Variants in PSME4 observed in about 807,000 individuals in gnomAD.
PSME4 encodes the protein proteasome activator complex subunit 4.
Under a neutral mutation model 253.9 loss-of-function variants are expected in PSME4, and 89 were observed. The ratio of observed to expected loss-of-function variants is 0.35; its 90% confidence interval spans 0.30 to 0.42. PSME4 has a LOEUF of 0.42. Among genes scored for constraint, PSME4 ranks in the 10% least tolerant of loss-of-function variants. The pLI is 1.00. For missense variants in PSME4, 2,014 were observed against 2,195.2 expected, an observed-to-expected ratio of 0.92 and a Z score of 1.65; for synonymous variants, 851 against 759.2, an observed-to-expected ratio of 1.12 and a Z score of -1.99.
At chr2:53,959,395 A>C (rs1172208099) in intron 1 of PSME4, among the ~76,000 whole-genome samples, 1 of 152,074 alleles carries the variant, frequency 6.6e-6, no homozygotes, top group Non-Finnish European at 1.5e-5. Context: ...AAAGCTGCTT[A>C]ATCCCTGACA....
Position 53,919,188 on chromosome 2 carries a change from G to C in PSME4, c.2479C>G (p.Leu827Val). Residue 827 changes from leucine (L) to valine (V), a missense_variant, in exon 20 of 47, where the codon CTC (leucine) becomes GTC (valine). Coordinates refer to ENST00000404125, the MANE Select transcript of PSME4 (RefSeq NM_014614.3). Reference sequence around the variant, plus strand: ...GGCTCTCCTTTCAACGGAGGTAGGAGGTTTCCAGAGCCAATTAAACAGTTG... The same window carrying C: ...GGCTCTCCTTTCAACGGAGGTAGGACGTTTCCAGAGCCAATTAAACAGTTG... Reference protein sequence around the residue: ...VHNCLIGSGNLLPPLKGEPVT... With the variant: ...VHNCLIGSGNVLPPLKGEPVT... The C allele has an allele frequency of 3.7e-6, 6 of 1,612,330 alleles. No individual in the cohort carries two copies. The highest frequency in any genetic ancestry group is 5.1e-6 in the Non-Finnish European group (6 of 1,179,334).
intron 40 of PSME4, 31 bp from the exon 41 acceptor site, chr2:53,885,806 C>G: frequency 6.6e-7 from 1 of 1,518,124 alleles, no homozygotes; most frequent in Non-Finnish European, 9.1e-7. Flanking sequence ...CAGAGTAAGT[C>G]TTTGCCATTC....
At chr2:53,887,091 A>G (rs1287141568) in intron 40 of PSME4, among the ~76,000 whole-genome samples, 168 bp downstream of exon 40, 1 of 152,186 alleles carries the variant, frequency 6.6e-6, no homozygotes, top group African/African-American at 2.4e-5. Context: ...TGGTTGCGCA[A>G]GGATGTGAAT....
In PSME4 at chr2:53,875,647, C is replaced by G; in HGVS notation, c.4924G>C (p.Val1642Leu). The G allele has an allele frequency of 6.2e-7, 1 of 1,608,032 alleles. No individual in the cohort carries two copies. The highest frequency in any genetic ancestry group is 8.5e-7 in the Non-Finnish European group (1 of 1,177,706). The change falls in exon 42 of 47, where the codon GTA becomes CTA. Residue 1642 changes from valine (V) to leucine (L), a missense_variant. Physicochemically the swap from Val to Leu is conservative, Grantham distance 32. Transcript: ENST00000404125. ...CTTACTTGTTTTAGCACCTGAAGTA[C>G]CAAAGGCACTTGATGAGGGTAAAGC... ...GLLYPHQVPL[V>L]LQVLKQTARS... is the part of the protein sequence containing the mutation.
rs1344255972 is a variant in PSME4 at position 53,865,128 on chromosome 2, T to G, written c.*450A>C. On this transcript the variant is annotated 3_prime_UTR_variant, in exon 47 of 47. Transcript: ENST00000404125. ...CCCAAGGTTCTCAAGGCTTCAGATT[T>G]ATGGCCCACAGCCCCTATTACCACC... 1 of 152,672 alleles carries G rather than the reference T, an allele frequency of 6.5e-6. No homozygotes were observed. Among genetic ancestry groups the G allele is most frequent in the Non-Finnish European group, 1.5e-5 (1 of 68,052 alleles). 9.5% of individuals were successfully genotyped at this position (152,672 alleles called of 1,614,324 possible).
chr2:53,956,599 G>A (rs996135601), intron 1 of PSME4, among the ~76,000 whole-genome samples: 1 of 151,622 alleles, frequency 6.6e-6, no homozygotes, highest in Non-Finnish European at 1.5e-5. Flanking sequence ...TTGAGATGGA[G>A]TCTCTCTCTG....
At chr2:53,966,251 T>G (rs1465185306) in intron 1 of PSME4, among the ~76,000 whole-genome samples, 1 of 152,106 alleles carries the variant, frequency 6.6e-6, no homozygotes, top group Non-Finnish European at 1.5e-5. Flanking sequence ...GCCACTGCAC[T>G]CCAGCCTGGA....
intron 41 of PSME4, among the ~76,000 whole-genome samples, chr2:53,878,821 T>C (rs1194148540): frequency 6.6e-6 from 1 of 152,242 alleles, no homozygotes; most frequent in Non-Finnish European, 1.5e-5. Flanking sequence ...GAAACTTAAT[T>C]AGCAATTTTA....
At chr2:53,887,728 A>G in intron 39 of PSME4, 130 bp downstream of exon 39, 1 of 1,210,996 alleles carries the variant, frequency 8.3e-7, no homozygotes, top group Non-Finnish European at 1.1e-6. Context: ...ACGACACAAT[A>G]GCAAACAATT....
At chr2:53,925,724 TA>T in intron 13 of PSME4, 35 bp from the exon 14 acceptor site, 2 of 1,581,190 alleles carry the variant, frequency 1.3e-6, no homozygotes, top group African/African-American at 2.7e-5. Flanking sequence ...TTTCAGCAAC[TA>T]AAATCTGGTT....
chr2:53,936,017 C>A, intron 7 of PSME4, 70 bp downstream of exon 7: 2 of 1,539,542 alleles, frequency 1.3e-6, no homozygotes, highest in Non-Finnish European at 1.8e-6. Context: ...CCTCAGCCAC[C>A]CGAGCAGCTG....
intron 13 of PSME4, 100 bp from the exon 14 acceptor site, chr2:53,925,789 A>C (rs1184519435): frequency 6.0e-6 from 8 of 1,329,160 alleles, no homozygotes; most frequent in South Asian, 5.3e-5. Context: ...TATTCAAGTG[A>C]TAGCTACTTA....
intron 16 of PSME4, 131 bp downstream of exon 16, chr2:53,922,918 C>T: frequency 1.3e-6 from 1 of 768,760 alleles, no homozygotes; most frequent in Non-Finnish European, 2.0e-6. Context: ...TTTTTGGAGA[C>T]AAATTTTCCC....
rs373194980 is a variant in PSME4, at chr2:53,932,021, G to C, written c.1130C>G (p.Ser377Cys). Residue 377 changes from serine to cysteine, a missense_variant, in exon 10 of 47, where the codon TCT becomes TGT. Ser to Cys is a moderately radical substitution (Grantham distance 112, BLOSUM62 -1). This residue lies in a region of PSME4 where 615 missense variants were observed against 594.4 expected (regional missense o/e 1.03). Coordinates refer to ENST00000404125, the MANE Select transcript of PSME4 (RefSeq NM_014614.3). ...RLHRERYKKP[S>C]WLTPVPDSHK... is the part of the protein sequence containing the mutation. The stretch of plus-strand genomic sequence containing the variant: ...GCTATCAGGCACAGGAGTTAACCAA[G>C]AGGGCTTCTTGTATCTTTCACGATG... The C allele has an allele frequency of 1.2e-6, 2 of 1,613,590 alleles. No individual in the cohort carries two copies. Among genetic ancestry groups the C allele is most frequent in the Non-Finnish European group, 1.7e-6 (2 of 1,179,642 alleles).
rs140085863 is a variant in PSME4 at position 53,897,979 on chromosome 2, A to C, written c.3497T>G (p.Ile1166Arg). 1 of 1,613,772 alleles carries C rather than the reference A, an allele frequency of 6.2e-7. No individual in the cohort carries two copies. The highest frequency in any genetic ancestry group is 8.5e-7 in the Non-Finnish European group (1 of 1,179,830). Residue 1166 changes from isoleucine to arginine, a missense_variant, in exon 31 of 47, where the codon ATA (isoleucine) becomes AGA (arginine). By Grantham distance (97) the Ile-to-Arg change is moderately conservative. Around this residue, in one of 4 missense-constraint regions of PSME4, gnomAD observed 989 missense variants for 1,021.1 expected, o/e 0.97. Transcript: ENST00000404125. ...CAGTAGAGACAGAAGCCCAATGCCT[A>C]TATGTTCAAATTTCCAGGGCCTTAA... Reference protein sequence around the residue: ...QRNLPWKFEHIGIGLLSLLLR... With the variant: ...QRNLPWKFEHRGIGLLSLLLR...
At chr2:53,965,367 G>C (rs571702856) in intron 1 of PSME4, among the ~76,000 whole-genome samples, 5 of 151,702 alleles carry the variant, frequency 3.3e-5, no homozygotes, top group African/African-American at 1.2e-4. Context: ...TTCTGCCTCA[G>C]TCTATAGGCG....
chr2:53,950,911 G>A (rs549720020), intron 1 of PSME4, among the ~76,000 whole-genome samples: 1 of 150,594 alleles, frequency 6.6e-6, no homozygotes, highest in African/African-American at 2.4e-5. Context: ...GTATATTTAA[G>A]AATTCAGAAG....
rs781238853 is a variant in PSME4 at position 53,908,866 on chromosome 2, A to G, written c.2573-26T>C. ...CTATTTTGAAAAAATAAAAGAAGGT[A>G]TTTTAGACACTGAATGCTCCTCAGA... On this transcript the variant is annotated intron_variant, in intron 21 of 46. Coordinates refer to ENST00000404125, the MANE Select transcript of PSME4 (RefSeq NM_014614.3). 4.6e-6 allele frequency: 7 copies of G among 1,534,344 alleles called. No homozygotes were observed. The African/African-American group carries it at 9.7e-5, about 21-fold the overall frequency.
chr2:53,865,904 G>T (rs1040662572), intron 46 of PSME4, 181 bp downstream of exon 46: 11 of 633,142 alleles, frequency 1.7e-5, no homozygotes, highest in Admixed American at 3.3e-5. Context: ...AAGCAAGGAG[G>T]CACAGCAAAA....
Sources: gnomAD v4.1 joint callset for allele counts (sites outside exome capture counted in the v4.1 genomes callset) on GRCh38, gnomAD v4.1.1 for gene constraint, gnomAD v4.1.1 regional missense constraint, MANE v1.5 for transcripts, NCBI Gene and HGNC (gene_info 2026-07-23, HGNC 2026-07-21) for gene names.